ZNRF1: variants seen among roughly 807,000 people sequenced by gnomAD.
ZNRF1 encodes the protein zinc and ring finger 1.
A neutral mutation model predicts 18.4 loss-of-function variants in ZNRF1; 3 were observed. That is an observed-to-expected ratio of 0.16 (90% CI 0.07 to 0.42). The LOEUF is 0.42. ZNRF1 is among the 10% of genes least tolerant of loss of function. The pLI is 0.99. For synonymous variants in ZNRF1, 157 were observed against 144.2 expected (o/e 1.09, Z -0.64); for missense variants, 310 against 329.8 (o/e 0.94, Z 0.47).
rs578045561 is a variant in ZNRF1, at chr16:75,049,656, C to T, written c.425-43916C>T. On this transcript the variant is annotated intron_variant, in intron 1 of 4. Transcript: ENST00000335325. Reference sequence around the variant, plus strand: ...TACAAAAAATGCAAAAAACAAATTTCGCTGCTTCTACTTACTTCTGTACAG... The same window carrying T: ...TACAAAAAATGCAAAAAACAAATTTTGCTGCTTCTACTTACTTCTGTACAG... Among the ~76,000 whole-genome samples, 32 of 152,256 alleles carry T rather than the reference C, an allele frequency of 2.1e-4. No homozygotes were observed. The South Asian group carries it at 5.8e-3, about 28-fold the overall frequency.
intron 1 of ZNRF1, among the ~76,000 whole-genome samples, chr16:75,041,912 C>G (rs1306458059): frequency 6.6e-6 from 1 of 152,036 alleles, no homozygotes; most frequent in African/African-American, 2.4e-5. Flanking sequence ...AGGAGAATCA[C>G]TTGAACCTGG....
At chr16:75,045,713 C>T (rs1400711365) in intron 1 of ZNRF1, among the ~76,000 whole-genome samples, 7 of 146,976 alleles carry the variant, frequency 4.8e-5, no homozygotes, top group South Asian at 2.2e-4. Context: ...TCTTCTTCTT[C>T]GTCTTTTTTT....
chr16:75,092,789 G>T (rs2036154975), intron 1 of ZNRF1, among the ~76,000 whole-genome samples: 1 of 152,206 alleles, frequency 6.6e-6, no homozygotes, highest in African/African-American at 2.4e-5. Flanking sequence ...GGAGAGAGTT[G>T]CTACCTGGCA....
At chr16:75,038,793 A>T (rs1039379783) in intron 1 of ZNRF1, among the ~76,000 whole-genome samples, 1 of 152,208 alleles carries the variant, frequency 6.6e-6, no homozygotes, top group Non-Finnish European at 1.5e-5. Context: ...AGTGTGCAAG[A>T]TGATGAGTCC....
chr16:75,029,178 G>C (rs1035473511), intron 1 of ZNRF1, among the ~76,000 whole-genome samples: 1 of 149,074 alleles, frequency 6.7e-6, no homozygotes, highest in Non-Finnish European at 1.5e-5. Flanking sequence ...ACGGAGTCTC[G>C]TGCTGTCGCC....
chr16:75,029,656 C>T (rs2035274388), intron 1 of ZNRF1, among the ~76,000 whole-genome samples: 1 of 150,812 alleles, frequency 6.6e-6, no homozygotes, highest in South Asian at 2.1e-4. Context: ...GTAGCCCCAG[C>T]TGAGGCTGAG....
rs1415132145 is a variant in ZNRF1, at chr16:75,108,204, C to T, written c.*504C>T. 5.7e-6 allele frequency: 1 copy of T among 174,678 alleles called. No homozygotes were observed. The highest frequency in any genetic ancestry group is 2.4e-5 in the African/African-American group (1 of 42,064). The allele number at this position is 174,678 out of a possible 1,614,324, so 10.8% of individuals were successfully genotyped here. On this transcript the variant is annotated 3_prime_UTR_variant, in exon 5 of 5. Coordinates refer to ENST00000335325, the MANE Select transcript of ZNRF1 (RefSeq NM_032268.5). Reference sequence around the variant, plus strand: ...AACTGGCCCTCTCCACCACCAACTTCTCTACTTTGGGTTTGTTTGGTTTTT... The same window carrying T: ...AACTGGCCCTCTCCACCACCAACTTTTCTACTTTGGGTTTGTTTGGTTTTT...
At chr16:75,038,133 T>A (rs369936670) in intron 1 of ZNRF1, among the ~76,000 whole-genome samples, 1 of 152,186 alleles carries the variant, frequency 6.6e-6, no homozygotes, top group African/African-American at 2.4e-5. Flanking sequence ...ACCTCAAAAC[T>A]TAATGGCTTA....
chr16:75,027,028 T>A (rs956132731), intron 1 of ZNRF1, among the ~76,000 whole-genome samples: 1 of 152,230 alleles, frequency 6.6e-6, no homozygotes, highest in Admixed American at 6.5e-5. Context: ...CTTGAGGTGA[T>A]TCCTGTTAAC....
At chr16:75,100,233 C>T (rs533257566) in intron 2 of ZNRF1, among the ~76,000 whole-genome samples, 2 of 152,330 alleles carry the variant, frequency 1.3e-5, no homozygotes, top group African/African-American at 4.8e-5. Flanking sequence ...CAGACTCAGG[C>T]CAGCTGGTAA....
In ZNRF1 at chr16:75,108,558, C is replaced by T. The variant is rs1484971541; in HGVS notation, c.*858C>T. 3 of 398,488 alleles carry T rather than the reference C, an allele frequency of 7.5e-6. No homozygotes were observed. Among genetic ancestry groups the T allele is most frequent in the African/African-American group, 4.1e-5 (2 of 48,528 alleles). The allele number at this position is 398,488 out of a possible 1,614,324, so 24.7% of individuals were successfully genotyped here. A position where few individuals can be genotyped will look rare whatever the true frequency, so the allele number is the denominator to read the frequency against. On this transcript the variant is annotated 3_prime_UTR_variant, in exon 5 of 5. Transcript: ENST00000335325. The stretch of plus-strand genomic sequence containing the variant: ...TTTAGCCATTGATGTTCACACGTGG[C>T]ATCAGCCCATGCAAGATAGGTTTCT...
intron 1 of ZNRF1, among the ~76,000 whole-genome samples, chr16:75,028,621 T>G (rs1597866807): frequency 6.6e-6 from 1 of 152,232 alleles, no homozygotes; most frequent in Non-Finnish European, 1.5e-5. Flanking sequence ...AGACAAAAAG[T>G]TCTCAAGAAT....
intron 1 of ZNRF1, among the ~76,000 whole-genome samples, chr16:75,001,687 C>G (rs2034851343): frequency 6.6e-6 from 1 of 152,146 alleles, no homozygotes; most frequent in Non-Finnish European, 1.5e-5. Flanking sequence ...AGAAGTTTCT[C>G]TAAAATCACA....
chr16:75,033,991 C>A (rs1454379971), intron 1 of ZNRF1, among the ~76,000 whole-genome samples: 1 of 144,838 alleles, frequency 6.9e-6, no homozygotes. Flanking sequence ...TACTAAAATA[C>A]AAAAAAAAAA....
chr16:75,070,336 G>A (rs1203643978), intron 1 of ZNRF1, among the ~76,000 whole-genome samples: 2 of 152,124 alleles, frequency 1.3e-5, no homozygotes, highest in South Asian at 2.1e-4. Context: ...CAAGCTTTTC[G>A]ACTCCTCCCA....
At position 75,000,110 on chromosome 16, in the gene ZNRF1, G is replaced by T; in HGVS notation, c.424+15G>T. On this transcript the variant is annotated intron_variant, in intron 1 of 4. Coordinates refer to ENST00000335325, the MANE Select transcript of ZNRF1 (RefSeq NM_032268.5). ...CTCGCATAGTGGTGAGTCCGCGGGT[G>T]GTGGAGGCCTCGGAGGGAGGGCGCG... 1 of 1,593,748 alleles carries T rather than the reference G, an allele frequency of 6.3e-7. No homozygotes were observed. Among genetic ancestry groups the T allele is most frequent in the Non-Finnish European group, 8.5e-7 (1 of 1,171,662 alleles).
At chr16:75,026,470 G>C (rs2035225719) in intron 1 of ZNRF1, among the ~76,000 whole-genome samples, 1 of 152,120 alleles carries the variant, frequency 6.6e-6, no homozygotes. Flanking sequence ...GGAGAAACAG[G>C]AGCAGATTAG....
intron 1 of ZNRF1, among the ~76,000 whole-genome samples, chr16:75,059,791 A>G (rs2035719827): frequency 6.6e-6 from 1 of 152,192 alleles, no homozygotes; most frequent in Non-Finnish European, 1.5e-5. Flanking sequence ...TCTTAGGCTG[A>G]TGGATTTGAC....
chr16:75,034,201 A>T (rs1211037911), intron 1 of ZNRF1, among the ~76,000 whole-genome samples: 1 of 152,170 alleles, frequency 6.6e-6, no homozygotes, highest in Non-Finnish European at 1.5e-5. Flanking sequence ...AAAAATGTAC[A>T]GTTCAGTAGT....
Sources: gnomAD v4.1 joint callset for allele counts (sites outside exome capture counted in the v4.1 genomes callset) on GRCh38, gnomAD v4.1.1 for gene constraint, MANE v1.5 for transcripts, NCBI Gene and HGNC (gene_info 2026-07-23, HGNC 2026-07-21) for gene names.